Variants in EXOC6B observed in about 807,000 individuals in gnomAD.
EXOC6B encodes the protein exocyst complex component 6B, also known as SEC15 homolog B.
A neutral mutation model predicts 113.5 loss-of-function variants in EXOC6B; 54 were observed. The observed-to-expected ratio is 0.48, with a 90% CI of 0.38 to 0.60. The LOEUF (loss-of-function observed/expected upper bound fraction) is 0.60, where lower values mean the gene tolerates loss of function less well. EXOC6B is among the 20% of genes least tolerant of loss of function. EXOC6B has a pLI of 0.00. For synonymous variants in EXOC6B, 357 were observed against 339.0 expected, an observed-to-expected ratio of 1.05 and a Z score of -0.58; for missense variants, 797 against 977.5, an observed-to-expected ratio of 0.82 and a Z score of 2.46.
chr2:72,557,204 A>C, intron 8 of EXOC6B, among the ~76,000 whole-genome samples: 1 of 146,218 alleles, frequency 6.8e-6, no homozygotes, highest in Non-Finnish European at 1.5e-5. Context: ...TACATATATT[A>C]GTGTTATTAT....
At chr2:72,738,748 G>A (rs1161219994) in intron 2 of EXOC6B, among the ~76,000 whole-genome samples, 2 of 152,128 alleles carry the variant, frequency 1.3e-5, no homozygotes, top group African/African-American at 4.8e-5. Context: ...GGCTGAGACG[G>A]TCAGATCACT....
At chr2:72,723,396 C>T (rs1680123028) in intron 5 of EXOC6B, among the ~76,000 whole-genome samples, 1 of 152,130 alleles carries the variant, frequency 6.6e-6, no homozygotes, top group Admixed American at 6.5e-5. Flanking sequence ...GAATAACAGA[C>T]ATGGTTGAAT....
intron 19 of EXOC6B, among the ~76,000 whole-genome samples, chr2:72,339,913 A>G (rs1389219075): frequency 6.6e-6 from 1 of 152,192 alleles, no homozygotes; most frequent in Non-Finnish European, 1.5e-5. Flanking sequence ...AATATATATG[A>G]GATATGGTAA....
At chr2:72,765,399 G>A (rs996803499) in intron 1 of EXOC6B, among the ~76,000 whole-genome samples, 7 of 152,150 alleles carry the variant, frequency 4.6e-5, no homozygotes, top group African/African-American at 9.7e-5. Context: ...GCAGTCAGGC[G>A]TGGTGGCTCA....
At chr2:72,270,913 T>G (rs187502593) in intron 20 of EXOC6B, among the ~76,000 whole-genome samples, 1 of 152,322 alleles carries the variant, frequency 6.6e-6, no homozygotes, top group East Asian at 1.9e-4. Context: ...TAAATGTTTC[T>G]TGCTGAAATT....
At chr2:72,723,052 C>T (rs993784623) in intron 5 of EXOC6B, among the ~76,000 whole-genome samples, 4 of 152,138 alleles carry the variant, frequency 2.6e-5, no homozygotes, top group African/African-American at 9.7e-5. Flanking sequence ...AATGTCTAGT[C>T]TATTTCAATA....
intron 4 of EXOC6B, 28 bp from the exon 5 acceptor site, chr2:72,731,080 C>T: frequency 1.3e-6 from 2 of 1,560,574 alleles, no homozygotes; most frequent in Non-Finnish European, 8.7e-7. Flanking sequence ...AATACACAAA[C>T]ATGATTTAGA....
chr2:72,573,735 A>G (rs1465094400), intron 7 of EXOC6B, among the ~76,000 whole-genome samples: 1 of 152,210 alleles, frequency 6.6e-6, no homozygotes, highest in African/African-American at 2.4e-5. Context: ...ATCCTAGTAC[A>G]ATATAAACTT....
intron 6 of EXOC6B, among the ~76,000 whole-genome samples, chr2:72,672,365 T>C (rs1675950351): frequency 6.6e-6 from 1 of 151,346 alleles, no homozygotes. Context: ...GTGCAGTGGC[T>C]CACGCGTGTA....
intron 8 of EXOC6B, among the ~76,000 whole-genome samples, chr2:72,530,920 A>G (rs1398463071): frequency 6.6e-6 from 1 of 152,044 alleles, no homozygotes; most frequent in Non-Finnish European, 1.5e-5. Flanking sequence ...CAACATTTGC[A>G]TGTTGTATTT....
chr2:72,646,082 T>C (rs1051331335), intron 6 of EXOC6B, among the ~76,000 whole-genome samples: 2 of 151,914 alleles, frequency 1.3e-5, no homozygotes, highest in African/African-American at 4.8e-5. Context: ...AAGAATCAAA[T>C]AGACGCAATA....
chr2:72,388,504 G>GA (rs564403629), intron 18 of EXOC6B, among the ~76,000 whole-genome samples: 106 of 151,838 alleles, frequency 7.0e-4, no homozygotes, highest in Middle Eastern at 6.8e-3. Context: ...TATGCACTAA[G>GA]AAAAAAAAGC....
At chr2:72,725,430 C>T (rs1312613423) in intron 5 of EXOC6B, among the ~76,000 whole-genome samples, 3 of 151,928 alleles carry the variant, frequency 2.0e-5, no homozygotes, top group African/African-American at 4.8e-5. Flanking sequence ...CTCACTCTGT[C>T]GCCCAGGCTG....
chr2:72,241,616 G>T (rs1334895640), intron 20 of EXOC6B, among the ~76,000 whole-genome samples: 1 of 151,808 alleles, frequency 6.6e-6, no homozygotes, highest in African/African-American at 2.4e-5. Context: ...TTGGGGAGGG[G>T]GAGCGTCAGG....
intron 18 of EXOC6B, among the ~76,000 whole-genome samples, chr2:72,392,724 T>C (rs1692468497): frequency 6.6e-6 from 1 of 152,196 alleles, no homozygotes; most frequent in Non-Finnish European, 1.5e-5. Context: ...TGAGTTTTGT[T>C]CTAGCAGACA....
chr2:72,595,667 A>G (rs1365082264), intron 6 of EXOC6B, among the ~76,000 whole-genome samples: 1 of 152,040 alleles, frequency 6.6e-6, no homozygotes, highest in African/African-American at 2.4e-5. Flanking sequence ...TTAGGGTCAT[A>G]AAGGAGAGAA....
At chr2:72,721,256 G>A (rs986042820) in intron 5 of EXOC6B, among the ~76,000 whole-genome samples, 1 of 150,818 alleles carries the variant, frequency 6.6e-6, no homozygotes, top group Non-Finnish European at 1.5e-5. Flanking sequence ...TTGACCCTAG[G>A]AGACGGAGGG....
chr2:72,331,158 C>T (rs191821952), intron 20 of EXOC6B, among the ~76,000 whole-genome samples: 49 of 152,218 alleles, frequency 3.2e-4, no homozygotes, highest in African/African-American at 1.1e-3. Context: ...CAATGTAGTA[C>T]TTATCACAGT....
At chr2:72,597,474 T>C (rs1452887929) in intron 6 of EXOC6B, among the ~76,000 whole-genome samples, 1 of 151,906 alleles carries the variant, frequency 6.6e-6, no homozygotes, top group East Asian at 1.9e-4. Flanking sequence ...AATGGAATTC[T>C]ATAAAATACT....
Sources: gnomAD v4.1 joint callset for allele counts (sites outside exome capture counted in the v4.1 genomes callset) on GRCh38, gnomAD v4.1.1 for gene constraint, MANE v1.5 for transcripts, NCBI Gene and HGNC (gene_info 2026-07-23, HGNC 2026-07-21) for gene names.